The following KDM6B variants were observed in gnomAD, a reference collection of about 807,000 sequenced individuals.
KDM6B encodes lysine demethylase 6B, also known as lysine-specific demethylase 6B.
KDM6B carries 22 observed loss-of-function variants against 150.4 expected under a neutral mutation model. That is an observed-to-expected ratio of 0.15 (90% CI 0.10 to 0.21). The LOEUF is 0.21. KDM6B is among the 10% of genes least tolerant of loss of function. The pLI is 1.00. For synonymous variants in KDM6B, 1,148 were observed against 921.1 expected (o/e 1.25, Z -4.46); for missense variants, 1,984 against 2,234.3 (o/e 0.89, Z 2.26).
intron 2 of KDM6B, among the ~76,000 whole-genome samples, chr17:7,841,672 A>G (rs2078416481): frequency 6.6e-6 from 1 of 152,216 alleles, no homozygotes; most frequent in African/African-American, 2.4e-5. Context: ...GGACCCACGC[A>G]CAGCCGACCG....
Position 7,848,773 on chromosome 17 carries a change from C to T in KDM6B, c.2485C>T (p.Pro829Ser), listed in dbSNP as rs753840103. ...RGTGAAVSTR[P>S]GPLPTTQYSP... ...GACTGGAGCAGCTGTTTCCACCCGG[C>T]CTGGGCCCTTGCCCACCACTCAGTA... is the stretch of plus-strand genomic sequence containing the variant. The change falls in exon 12 of 24, where the codon CCT (proline) becomes TCT (serine). Residue 829 changes from proline to serine, a missense_variant. Pro to Ser is a moderately conservative substitution (Grantham distance 74). Coordinates refer to ENST00000448097, the MANE Select transcript of KDM6B (RefSeq NM_001348716.2). The T allele has an allele frequency of 1.2e-6, 2 of 1,612,866 alleles. No individual in the cohort carries two copies. The highest frequency in any genetic ancestry group is 2.2e-5 in the South Asian group (2 of 91,086).
In KDM6B at chr17:7,846,487, C is replaced by T; in HGVS notation, c.544C>T (p.Leu182Phe). 2 of 1,613,998 alleles carry T rather than the reference C, an allele frequency of 1.2e-6. No individual in the cohort carries two copies. The highest frequency in any genetic ancestry group is 1.7e-6 in the Non-Finnish European group (2 of 1,179,950). The change falls in exon 8 of 24, where the codon CTT becomes TTT. Residue 182 changes from leucine to phenylalanine, a missense_variant. Coordinates refer to ENST00000448097, the MANE Select transcript of KDM6B (RefSeq NM_001348716.2). ...GGAGCAAGTGTGGAACTTGCTACAC[C>T]TTGAGGTGAGGCTGGCACTGGGTGG... is the stretch of plus-strand genomic sequence containing the variant. ...PLEQVWNLLH[L>F]EHKRNYGAKR... is the part of the protein sequence containing the mutation.
intron 1 of KDM6B, among the ~76,000 whole-genome samples, chr17:7,834,722 G>GTGA (rs1157819209): frequency 6.6e-6 from 1 of 152,078 alleles, no homozygotes; most frequent in Admixed American, 6.5e-5. Context: ...GCCCAGTAAG[G>GTGA]TCAGATGTGG....
At position 7,845,682 on chromosome 17, in the gene KDM6B, C is replaced by T. The variant is rs1375989663; in HGVS notation, c.128C>T (p.Pro43Leu). 2 of 1,614,158 alleles carry T rather than the reference C, an allele frequency of 1.2e-6. No homozygotes were observed. Among genetic ancestry groups the T allele is most frequent in the Non-Finnish European group, 8.5e-7 (1 of 1,180,024 alleles). The change falls in exon 5 of 24, where the codon CCT (proline) becomes CTT (leucine). Residue 43 changes from proline to leucine, a missense_variant. By Grantham distance (98) the Pro-to-Leu change is moderately conservative. Transcript: ENST00000448097. ...PHPPPRSAWL[P>L]GGRCSASIGQ... The stretch of plus-strand genomic sequence containing the variant: ...CCCCCTCCTCGTAGCGCATGGCTGC[C>T]TGGAGGCAGGTGAGAAGTTGGGGCC...
chr17:7,853,826 G>A lies in KDM6B; in HGVS notation c.*305G>A, dbSNP rs1183957263. On this transcript the variant is annotated 3_prime_UTR_variant, in exon 24 of 24. Transcript: ENST00000448097. ...CAGACACAAGGACCAGGCTCCGGCG[G>A]CGGCGGGGGTCACATACGGGTTCCC... 9.1e-6 allele frequency: 2 copies of A among 219,972 alleles called. No homozygotes were observed. The highest frequency in any genetic ancestry group is 1.8e-5 in the Non-Finnish European group (2 of 113,098). 13.6% of individuals were successfully genotyped at this position (219,972 alleles called of 1,614,324 possible).
chr17:7,851,904 G>A lies in KDM6B; in HGVS notation c.4166-47G>A, dbSNP rs896239956. ...GCAGAGGGCGGGGCTATCGGGGATC[G>A]CAGTTCCGACCTGGCCAGCCATGCC... On this transcript the variant is annotated intron_variant, in intron 18 of 23. Transcript: ENST00000448097. The A allele has an allele frequency of 3.7e-6, 6 of 1,604,884 alleles. No homozygotes were observed. In the East Asian group the frequency reaches 9.0e-5, roughly 24 times the overall value.
chr17:7,834,825 C>CAG (rs1163011526), intron 1 of KDM6B, among the ~76,000 whole-genome samples: 2 of 152,150 alleles, frequency 1.3e-5, no homozygotes, highest in Non-Finnish European at 2.9e-5. Flanking sequence ...CCTGACCTTC[C>CAG]CACCAGCGGC....
rs1304773916 is a variant in KDM6B, at chr17:7,848,170, C to T, written c.1882C>T (p.Pro628Ser). 6.2e-7 allele frequency: 1 copy of T among 1,612,734 alleles called. No homozygotes were observed. Among genetic ancestry groups the T allele is most frequent in the South Asian group, 1.1e-5 (1 of 91,090 alleles). The change falls in exon 12 of 24, where the codon CCC (proline) becomes TCC (serine). Residue 628 changes from proline to serine, a missense_variant. Coordinates refer to ENST00000448097, the MANE Select transcript of KDM6B (RefSeq NM_001348716.2). ...TSGSFRRPES[P>S]RPRVSFPKTP... The stretch of plus-strand genomic sequence containing the variant: ...AGGAAGCTTCAGGCGCCCGGAGAGC[C>T]CCCGGCCCAGGGTCTCCTTCCCAAA...
intron 1 of KDM6B, among the ~76,000 whole-genome samples, chr17:7,835,730 C>T (rs2078322714): frequency 6.6e-6 from 1 of 152,076 alleles, no homozygotes; most frequent in African/African-American, 2.4e-5. Flanking sequence ...CACGTGCACT[C>T]CCACACGCTC....
chr17:7,847,509 C>T lies in KDM6B; in HGVS notation c.1258-37C>T, dbSNP rs200719739. 3.2e-4 allele frequency: 514 copies of T among 1,612,706 alleles called. 6 individuals are homozygous for T. In the South Asian group the frequency reaches 4.2e-3, roughly 13 times the overall value. ...GGGTGGAGCTTGTCTTGAGGCAGCC[C>T]GAGCAATGCTCCTACCACCTGCTTC... On this transcript the variant is annotated intron_variant, in intron 11 of 23. Transcript: ENST00000448097.
Position 7,853,365 on chromosome 17 carries a change from C to T in KDM6B, c.4893C>T (p.Tyr1631=). 7 of 1,555,466 alleles carry T rather than the reference C, an allele frequency of 4.5e-6. No homozygotes were observed. Among genetic ancestry groups the T allele is most frequent in the Non-Finnish European group, 6.1e-6 (7 of 1,154,062 alleles). ...GCACTGAGGAGCTGGCTCAGGCCTA[C>T]GACGCCTTCACGCTGGTGAGGGCCC... ...QYRTEELAQA[Y]DAFTLAPAST... is the part of the protein sequence containing the mutation. Residue 1631 remains tyrosine (Y), a synonymous_variant, in exon 23 of 24, where the codon TAC becomes TAT. Coordinates refer to ENST00000448097, the MANE Select transcript of KDM6B (RefSeq NM_001348716.2).
chr17:7,847,783 G>A lies in KDM6B; in HGVS notation c.1495G>A (p.Glu499Lys), dbSNP rs1470789349. Residue 499 changes from glutamate to lysine, a missense_variant, in exon 12 of 24, where the codon GAG becomes AAG. Physicochemically the swap from Glu to Lys is moderately conservative, Grantham distance 56. This residue lies in a region of KDM6B where 1,379 missense variants were observed against 1,275.6 expected (regional missense o/e 1.08). Transcript: ENST00000448097. ...CTGCCGGGCAGCCCGAGAGGATGGAGAGATCTTAGAAGAGCTCTTCTTTGG... is the reference window on the plus strand; with the variant it reads ...CTGCCGGGCAGCCCGAGAGGATGGAAAGATCTTAGAAGAGCTCTTCTTTGG... Reference protein sequence around the residue: ...PACRAAREDGEILEELFFGTE... With the variant: ...PACRAAREDGKILEELFFGTE... The A allele has an allele frequency of 1.9e-6, 3 of 1,553,822 alleles. No homozygotes were observed. Among genetic ancestry groups the A allele is most frequent in the South Asian group, 2.4e-5 (2 of 84,486 alleles).
chr17:7,843,099 A>AAGGGGAAGTGGCAG lies in KDM6B; in HGVS notation c.-268-1791_-268-1778dup, dbSNP rs2078451213. 6.6e-6 allele frequency among the ~76,000 whole-genome samples: 1 copy of AAGGGGAAGTGGCAG among 152,044 alleles called. No individual in the cohort carries two copies. The highest frequency in any genetic ancestry group is 1.5e-5 in the Non-Finnish European group (1 of 67,998). ...AAAGCTGAGTCAGTTCCCCGTGGGA[A>AAGGGGAAGTGGCAG]AGGGGAAGTGGCAGAGGGGAAGTGT... On this transcript the variant is annotated intron_variant, in intron 2 of 23. Transcript: ENST00000448097. This position sits in a 1 kb window ranked among gnomAD's most constrained non-coding sequence, Gnocchi z 4.5.
At chr17:7,835,466 G>A (rs2078315874) in intron 1 of KDM6B, among the ~76,000 whole-genome samples, 1 of 151,930 alleles carries the variant, frequency 6.6e-6, no homozygotes, top group Non-Finnish European at 1.5e-5. Flanking sequence ...TCCGGAGGGG[G>A]TTAGGGACCG....
chr17:7,853,249 G>A lies in KDM6B; in HGVS notation c.4777G>A (p.Gly1593Ser). The A allele has an allele frequency of 1.2e-6, 2 of 1,611,158 alleles. No individual in the cohort carries two copies. The highest frequency in any genetic ancestry group is 1.7e-6 in the Non-Finnish European group (2 of 1,179,202). The part of the protein sequence containing the change: ...FNILFVTSEN[G>S]SRNTYLVHCE... The stretch of plus-strand genomic sequence containing the variant: ...CATCCTGTTCGTGACAAGTGAGAAT[G>A]GCAGCCGCAACACGTACCTGGTACA... The change falls in exon 23 of 24, where the codon GGC (glycine) becomes AGC (serine). Residue 1593 changes from glycine to serine, a missense_variant. Gly to Ser is a moderately conservative substitution (Grantham distance 56). This residue lies in a region of KDM6B where 58 missense variants were observed against 76.4 expected (regional missense o/e 0.76). Transcript: ENST00000448097.
intron 1 of KDM6B, among the ~76,000 whole-genome samples, chr17:7,836,885 CG>C (rs2078341158): frequency 6.6e-6 from 1 of 152,162 alleles, no homozygotes; most frequent in Non-Finnish European, 1.5e-5. Context: ...GCACGTGCCC[CG>C]GGATGGTTGC....
chr17:7,841,890 C>T (rs2078421353), intron 2 of KDM6B, among the ~76,000 whole-genome samples: 1 of 152,180 alleles, frequency 6.6e-6, no homozygotes, highest in Non-Finnish European at 1.5e-5. Context: ...CGGCCCTCCC[C>T]TCCGCCTCCC....
At chr17:7,838,666 T>A (rs2078370260) in intron 1 of KDM6B, among the ~76,000 whole-genome samples, 1 of 134,248 alleles carries the variant, frequency 7.4e-6, no homozygotes, top group South Asian at 2.5e-4. Flanking sequence ...GTCTGCCCAC[T>A]CTGCTCTCGA....
rs202050819 is a variant in KDM6B at position 7,848,037 on chromosome 17, C to T, written c.1749C>T (p.Pro583=). 1 of 1,611,714 alleles carries T rather than the reference C, an allele frequency of 6.2e-7. No individual in the cohort carries two copies. Among genetic ancestry groups the T allele is most frequent in the Admixed American group, 1.7e-5 (1 of 59,906 alleles). Residue 583 remains proline, a synonymous_variant, in exon 12 of 24, where the codon CCC becomes CCT. Transcript: ENST00000448097. The part of the protein sequence containing the change: ...PPPYLARSID[P]LPRPPSPAQN... Reference sequence around the variant, plus strand: ...CCTATCTGGCCAGAAGTATAGACCCCCTTCCCCGGCCTCCCAGCCCAGCAC... The same window carrying T: ...CCTATCTGGCCAGAAGTATAGACCCTCTTCCCCGGCCTCCCAGCCCAGCAC...
Sources: gnomAD v4.1 joint callset for allele counts (sites outside exome capture counted in the v4.1 genomes callset) on GRCh38, gnomAD v4.1.1 for gene constraint, gnomAD v4.1.1 regional missense constraint, Gnocchi (gnomAD v3.1) non-coding constraint, MANE v1.5 for transcripts, NCBI Gene and HGNC (gene_info 2026-07-23, HGNC 2026-07-21) for gene names.